PDZD2: variants seen among roughly 807,000 people sequenced by gnomAD.
PDZD2 encodes the protein PDZ domain containing 2.
PDZD2 carries 90 observed loss-of-function variants against 220.7 expected under a neutral mutation model. The ratio of observed to expected loss-of-function variants is 0.41; its 90% confidence interval spans 0.34 to 0.49. The LOEUF (loss-of-function observed/expected upper bound fraction) is 0.49, where lower values mean the gene tolerates loss of function less well. PDZD2 is among the 20% of genes least tolerant of loss of function. The probability of loss-of-function intolerance (pLI) is 0.28; values close to 1 mark genes in which losing one functional copy is unlikely to be tolerated. For missense variants in PDZD2, 3,174 were observed against 3,608.5 expected, an observed-to-expected ratio of 0.88 and a Z score of 3.08; for synonymous variants, 1,375 against 1,450.5, an observed-to-expected ratio of 0.95 and a Z score of 1.18.
chr5:31,836,744 C>A (rs1371172670), intron 2 of PDZD2, among the ~76,000 whole-genome samples: 2 of 151,980 alleles, frequency 1.3e-5, no homozygotes, highest in Non-Finnish European at 2.9e-5. Flanking sequence ...GTAGGCTGGG[C>A]GAGGTGGTTT....
Position 31,847,480 on chromosome 5 carries a change from G to GA in PDZD2, c.476+47757dup. 5 of 615,016 alleles carry GA rather than the reference G, an allele frequency of 8.1e-6. No individual in the cohort carries two copies. The Admixed American group carries it at 9.8e-5, about 12-fold the overall frequency. The allele number at this position is 615,016 out of a possible 1,614,324, so 38.1% of individuals were successfully genotyped here. On this transcript the variant is annotated intron_variant, in intron 2 of 24. Transcript: ENST00000438447. ...GATTGCGTATGCCCATGTAGAAGGGGATATGATAGTCTGCACAGCTTATGC... is the reference window on the plus strand; with the variant it reads ...GATTGCGTATGCCCATGTAGAAGGGGAATATGATAGTCTGCACAGCTTATGC...
At chr5:32,095,270 A>G (rs1184508492) in intron 21 of PDZD2, among the ~76,000 whole-genome samples, 1 of 152,168 alleles carries the variant, frequency 6.6e-6, no homozygotes, top group Admixed American at 6.5e-5. Flanking sequence ...TTTGGTTTGA[A>G]GATCATTCCT....
At position 31,639,729 on chromosome 5, in the gene PDZD2, G is replaced by T. The variant is rs1206981509; in HGVS notation, c.-361+292G>T. ...GACAACCGGAGACGCACTGCCGGGGGTACTCAAGACAGGGCCGGGACCTCC... is the reference window on the plus strand; with the variant it reads ...GACAACCGGAGACGCACTGCCGGGGTTACTCAAGACAGGGCCGGGACCTCC... On this transcript the variant is annotated intron_variant, in intron 1 of 24. Transcript: ENST00000438447. This position sits in a 1 kb window ranked among gnomAD's most constrained non-coding sequence, Gnocchi z 4.1. 1.3e-5 allele frequency among the ~76,000 whole-genome samples: 2 copies of T among 152,148 alleles called. 1 individual carries two copies. The highest frequency in any genetic ancestry group is 3.9e-4 in the East Asian group (2 of 5,166).
intron 2 of PDZD2, among the ~76,000 whole-genome samples, chr5:31,977,263 C>T (rs1296264966): frequency 6.6e-6 from 1 of 152,048 alleles, no homozygotes; most frequent in East Asian, 1.9e-4. Context: ...GGCTGAATGC[C>T]CAGGATGATT....
intron 2 of PDZD2, among the ~76,000 whole-genome samples, chr5:31,935,352 C>T (rs1745633166): frequency 6.6e-6 from 1 of 152,122 alleles, no homozygotes; most frequent in South Asian, 2.1e-4. Flanking sequence ...ATAGAAACTA[C>T]TATATATGTG....
intron 19 of PDZD2, among the ~76,000 whole-genome samples, chr5:32,081,310 G>GT (rs1741931953): frequency 6.6e-6 from 1 of 152,148 alleles, no homozygotes; most frequent in Non-Finnish European, 1.5e-5. Context: ...GTGCAGCTAT[G>GT]TGTCCCTTAC....
chr5:31,757,862 C>T (rs1751391169), intron 1 of PDZD2, among the ~76,000 whole-genome samples: 2 of 152,220 alleles, frequency 1.3e-5, no homozygotes, highest in East Asian at 1.9e-4. Context: ...GCAAAGCCAC[C>T]CGCACCAGCT....
Position 32,007,829 on chromosome 5 carries a change from GC to G in PDZD2, c.1255-2498del, listed in dbSNP as rs1375946492. Among the ~76,000 whole-genome samples the G allele has an allele frequency of 6.6e-5, 10 of 152,292 alleles. No individual in the cohort carries two copies. In the East Asian group the frequency reaches 1.9e-3, roughly 29 times the overall value. Reference sequence around the variant, plus strand: ...GCCCCAGCCCCCTCCCTGGCCCCTGGCCCTCATGTGCTGCGGCATTTCCCCG... The same window carrying G: ...GCCCCAGCCCCCTCCCTGGCCCCTGGCCTCATGTGCTGCGGCATTTCCCCG... On this transcript the variant is annotated intron_variant, in intron 5 of 24. Coordinates refer to ENST00000438447, the MANE Select transcript of PDZD2 (RefSeq NM_178140.4).
chr5:32,055,186 T>C lies in PDZD2; in HGVS notation c.1900+1303T>C, dbSNP rs565881577. ...GAAGTTCTGAACACACACACAGGTATATACATATATATATTTATTTTATTG... is the reference window on the plus strand; with the variant it reads ...GAAGTTCTGAACACACACACAGGTACATACATATATATATTTATTTTATTG... On this transcript the variant is annotated intron_variant, in intron 10 of 24. Coordinates refer to ENST00000438447, the MANE Select transcript of PDZD2 (RefSeq NM_178140.4). 5.9e-5 allele frequency among the ~76,000 whole-genome samples: 9 copies of C among 152,248 alleles called. No individual in the cohort carries two copies. In the South Asian group the frequency reaches 1.7e-3, roughly 28 times the overall value.
chr5:31,883,216 C>CTTTT (rs58100064), intron 2 of PDZD2, among the ~76,000 whole-genome samples: 31 of 94,506 alleles, frequency 3.3e-4, no homozygotes, highest in Non-Finnish European at 4.5e-4. Flanking sequence ...AGCATGCTAC[C>CTTTT]TTTTTTTTTT....
chr5:32,016,584 C>T (rs536239956), intron 6 of PDZD2, among the ~76,000 whole-genome samples: 38 of 152,124 alleles, frequency 2.5e-4, no homozygotes, highest in Non-Finnish European at 3.7e-4. Flanking sequence ...TCCCCTGAGG[C>T]CTTGAGGATA....
chr5:31,982,432 C>T lies in PDZD2; in HGVS notation c.477-723C>T, dbSNP rs138730947. On this transcript the variant is annotated intron_variant, in intron 2 of 24. Coordinates refer to ENST00000438447, the MANE Select transcript of PDZD2 (RefSeq NM_178140.4). ...AAGTGATCCTCCCACCTCAGCCTCC[C>T]GAGTAGCTGGGATTACAGGCAGGGA... 8.4e-3 allele frequency among the ~76,000 whole-genome samples: 1,276 copies of T among 152,272 alleles called. 19 individuals are homozygous for T. Among genetic ancestry groups the T allele is most frequent in the African/African-American group, 0.03 (1,245 of 41,542 alleles).
Position 31,799,521 on chromosome 5 carries a change from T to G in PDZD2, c.273T>G (p.Pro91=), listed in dbSNP as rs759662305. ...TGGGCCTGAGTTTTGGGAACATCCC[T>G]GTTTTCGGGGACTATGGTGAAAAGC... ...ETVGLSFGNI[P]VFGDYGEKRR... Residue 91 remains proline (P), a synonymous_variant, in exon 2 of 25, where the codon CCT becomes CCG. Coordinates refer to ENST00000438447, the MANE Select transcript of PDZD2 (RefSeq NM_178140.4). 4 of 1,614,156 alleles carry G rather than the reference T, an allele frequency of 2.5e-6. No homozygotes were observed. Among genetic ancestry groups the G allele is most frequent in the Non-Finnish European group, 3.4e-6 (4 of 1,179,998 alleles).
At chr5:32,038,959 G>A (rs1032054875) in intron 7 of PDZD2, among the ~76,000 whole-genome samples, 12 of 152,320 alleles carry the variant, frequency 7.9e-5, no homozygotes, top group African/African-American at 2.2e-4. Context: ...GTACGTTAAC[G>A]TTCAAAAAAC....
Position 31,683,811 on chromosome 5 carries a change from T to C in PDZD2, c.-361+44374T>C, listed in dbSNP as rs1173933989. On this transcript the variant is annotated intron_variant, in intron 1 of 24. Transcript: ENST00000438447. ...ATCCCAGGAAATTCTCGTATGTATA[T>C]CTGTTGAATAAATTAATCCAAGTAG... Among the ~76,000 whole-genome samples the C allele has an allele frequency of 3.5e-4, 54 of 152,162 alleles. 1 individual carries two copies. The highest frequency in any genetic ancestry group is 3.5e-3 in the Admixed American group (54 of 15,282).
chr5:31,640,331 A>G (rs1744900762), intron 1 of PDZD2, among the ~76,000 whole-genome samples: 1 of 152,230 alleles, frequency 6.6e-6, no homozygotes, highest in Non-Finnish European at 1.5e-5. Context: ...CTGGAATGGC[A>G]GGCACGAGGG....
At chr5:31,740,785 GC>G (rs1561422137) in intron 1 of PDZD2, among the ~76,000 whole-genome samples, 1 of 152,122 alleles carries the variant, frequency 6.6e-6, no homozygotes. Flanking sequence ...ACCACTGCAG[GC>G]TTCATCTTCA....
intron 6 of PDZD2, among the ~76,000 whole-genome samples, chr5:32,014,882 T>C (rs1323386440): frequency 2.0e-5 from 3 of 151,384 alleles, no homozygotes; most frequent in Non-Finnish European, 4.4e-5. Context: ...CTAATTTTTG[T>C]ATTTTTAGTA....
At chr5:32,025,591 C>CCTTTTTTTTTTTTTTTT (rs1754583417) in intron 6 of PDZD2, among the ~76,000 whole-genome samples, 1 of 67,508 alleles carries the variant, frequency 1.5e-5, no homozygotes, top group Non-Finnish European at 2.6e-5. Flanking sequence ...AACCATGATG[C>CCTTTTTTTTTTTTTTTT]TTTTTTTTTT....
Sources: allele counts gnomAD v4.1 joint callset (sites outside exome capture counted in the v4.1 genomes callset), GRCh38; gene constraint gnomAD v4.1.1; non-coding constraint Gnocchi (gnomAD v3.1); transcripts MANE v1.5; gene names NCBI Gene and HGNC (gene_info 2026-07-23, HGNC 2026-07-21).